Variants in ARHGEF9 observed in about 807,000 individuals in gnomAD.
The protein encoded by ARHGEF9 is Cdc42 guanine nucleotide exchange factor 9, also known as rho guanine nucleotide exchange factor 9.
In ARHGEF9, 2 loss-of-function variants were observed where a neutral mutation model predicts 41.3. The ratio of observed to expected loss-of-function variants is 0.05; its 90% confidence interval spans 0.02 to 0.15. ARHGEF9 has a LOEUF of 0.15. Among genes scored for constraint, ARHGEF9 ranks in the 10% least tolerant of loss-of-function variants. The pLI is 1.00. For missense variants in ARHGEF9, 225 were observed against 424.7 expected (o/e 0.53, Z 4.13); for synonymous variants, 160 against 154.4 (o/e 1.04, Z -0.27).
Position 63,678,202 on chromosome X carries a change from G to A in ARHGEF9, c.815+138C>T, listed in dbSNP as rs1380486296. 5.2e-5 allele frequency: 29 copies of A among 558,178 alleles called. No homozygotes were observed. The Admixed American group carries it at 7.0e-4, about 13-fold the overall frequency. 46.0% of individuals were successfully genotyped at this position (558,178 alleles called of 1,213,427 possible). A position where few individuals can be genotyped will look rare whatever the true frequency, so the allele number is the denominator to read the frequency against. Reference sequence around the variant, plus strand: ...GCCTTCTGTACCCTGTTGGCTATGAGGCAATCAAGAATGTATCATCCTGTT... The same window carrying A: ...GCCTTCTGTACCCTGTTGGCTATGAAGCAATCAAGAATGTATCATCCTGTT... On this transcript the variant is annotated intron_variant, in intron 5 of 9. Coordinates refer to ENST00000671741, the MANE Select transcript of ARHGEF9 (RefSeq NM_001353921.2).
chrX:63,710,844 C>CA (rs1404353861), intron 2 of ARHGEF9, among the ~76,000 whole-genome samples: 4 of 109,054 alleles, frequency 3.7e-5, no homozygotes, highest in African/African-American at 1.3e-4. Context: ...AGCAATTGGA[C>CA]AAAAAAAGAA....
At chrX:63,678,225 G>T (rs2050395082) in intron 5 of ARHGEF9, 115 bp downstream of exon 5, 1 of 632,892 alleles carries the variant, frequency 1.6e-6, no homozygotes, top group Non-Finnish European at 2.6e-6. Context: ...GTATCATCCT[G>T]TTTTGCAGAT....
chrX:63,666,138 A>T (rs2049526826), intron 6 of ARHGEF9, 121 bp from the exon 7 acceptor site: 2 of 932,505 alleles, frequency 2.1e-6, no homozygotes, highest in Non-Finnish European at 3.0e-6. Context: ...GGCCTGGTAG[A>T]GACAGAGGGA....
intron 1 of ARHGEF9, among the ~76,000 whole-genome samples, chrX:63,733,080 C>T (rs1453490147): frequency 1.8e-5 from 2 of 111,717 alleles, no homozygotes; most frequent in Non-Finnish European, 3.8e-5. Flanking sequence ...TTCAAATAAC[C>T]AGAGTATATA....
chrX:63,655,541 C>T lies in ARHGEF9; in HGVS notation c.1274G>A (p.Arg425Lys). Reference sequence around the variant, plus strand: ...CATTTTCCTCTCTTCTCTGAAAGCCCTGAGCCAGCGTATTTTTTCCTCCAG... The same window carrying T: ...CATTTTCCTCTCTTCTCTGAAAGCCTTGAGCCAGCGTATTTTTTCCTCCAG... ...KKLEEKIRWL[R>K]AFREERKMVQ... is the part of the protein sequence containing the mutation. The change falls in exon 8 of 10, where the codon AGG becomes AAG. Residue 425 changes from arginine (R) to lysine (K), a missense_variant. By Grantham distance (26) the Arg-to-Lys change is conservative (BLOSUM62 2). Around this residue, in one of 3 missense-constraint regions of ARHGEF9, gnomAD observed 75 missense variants for 113.2 expected, o/e 0.66. Coordinates refer to ENST00000671741, the MANE Select transcript of ARHGEF9 (RefSeq NM_001353921.2). The T allele has an allele frequency of 8.3e-7, 1 of 1,211,220 alleles. No individual in the cohort carries two copies.
intron 1 of ARHGEF9, among the ~76,000 whole-genome samples, chrX:63,768,689 G>C (rs782615678): frequency 9.9e-5 from 11 of 111,598 alleles, no homozygotes; most frequent in African/African-American, 2.9e-4. Context: ...TAAATCATGG[G>C]GCAGTCTCCC....
chrX:63,681,519 A>G (rs2050622061), intron 4 of ARHGEF9, among the ~76,000 whole-genome samples: 1 of 111,965 alleles, frequency 8.9e-6, no homozygotes, highest in Admixed American at 9.5e-5. Flanking sequence ...CAAAGAAAAA[A>G]TCAAAAGGGA....
chrX:63,682,376 G>A (rs1367474107), intron 4 of ARHGEF9, among the ~76,000 whole-genome samples: 5 of 109,864 alleles, frequency 4.6e-5, no homozygotes, highest in Admixed American at 1.9e-4. Context: ...TTAGCCAGGC[G>A]TGGTGGCGGG....
At chrX:63,667,546 C>T (rs1280207980) in intron 6 of ARHGEF9, among the ~76,000 whole-genome samples, 1 of 110,720 alleles carries the variant, frequency 9.0e-6, no homozygotes, top group African/African-American at 3.3e-5. Context: ...TTATACCTCC[C>T]AGAAATAATC....
chrX:63,697,265 T>C lies in ARHGEF9; in HGVS notation c.442A>G (p.Ser148Gly), dbSNP rs1394345886. 3.3e-6 allele frequency: 4 copies of C among 1,209,414 alleles called. No homozygotes were observed. The highest frequency in any genetic ancestry group is 4.5e-6 in the Non-Finnish European group (4 of 894,961). Reference protein sequence around the residue: ...KQCRKRRDMFSDEQLKVIFGN... With the variant: ...KQCRKRRDMFGDEQLKVIFGN... ...AAGATTACCTTCAGTTGCTCGTCAC[T>C]GAACATGTCCCTTCTCTTCCGGCAC... is the stretch of plus-strand genomic sequence containing the variant. Residue 148 changes from serine (S) to glycine (G), a missense_variant, in exon 4 of 10, where the codon AGT becomes GGT. Transcript: ENST00000671741.
At chrX:63,685,913 G>C (rs2050955395) in intron 4 of ARHGEF9, among the ~76,000 whole-genome samples, 1 of 111,539 alleles carries the variant, frequency 9.0e-6, no homozygotes, top group Admixed American at 9.5e-5. Flanking sequence ...CAAAAAGTAT[G>C]ACCCATAAAA....
At chrX:63,650,537 A>G (rs1556327688) in intron 8 of ARHGEF9, among the ~76,000 whole-genome samples, 1 of 111,175 alleles carries the variant, frequency 9.0e-6, no homozygotes, top group Non-Finnish European at 1.9e-5. Flanking sequence ...GCTGGTTAAT[A>G]GGTACAAAAA....
chrX:63,711,364 G>C (rs1413303062), intron 2 of ARHGEF9, among the ~76,000 whole-genome samples: 1 of 111,556 alleles, frequency 9.0e-6, no homozygotes, highest in Non-Finnish European at 1.9e-5. Context: ...TTTGAAAAAG[G>C]AGAATAAAGT....
chrX:63,784,139 G>A (rs2056424163), intron 1 of ARHGEF9, among the ~76,000 whole-genome samples: 1 of 112,077 alleles, frequency 8.9e-6, no homozygotes, highest in Admixed American at 9.4e-5. Context: ...TAGAAGTGTG[G>A]GCTATTGCCA....
At chrX:63,681,851 C>T (rs1171833365) in intron 4 of ARHGEF9, among the ~76,000 whole-genome samples, 1 of 110,673 alleles carries the variant, frequency 9.0e-6, no homozygotes, top group Non-Finnish European at 1.9e-5. Context: ...GAAGATATTA[C>T]AAAAGATGTC....
At chrX:63,732,880 C>A (rs782175861) in intron 1 of ARHGEF9, among the ~76,000 whole-genome samples, 2 of 111,666 alleles carry the variant, frequency 1.8e-5, no homozygotes, top group Non-Finnish European at 3.8e-5. Context: ...TTACACGTAG[C>A]GACACTGGGG....
intron 2 of ARHGEF9, among the ~76,000 whole-genome samples, chrX:63,713,490 G>C (rs782362681): frequency 1.8e-5 from 2 of 109,941 alleles, no homozygotes; most frequent in Non-Finnish European, 3.8e-5. Flanking sequence ...TCTGAATAAA[G>C]TTGCCAGCCA....
At chrX:63,697,364 T>C in intron 3 of ARHGEF9, 60 bp from the exon 4 acceptor site, 1 of 1,088,422 alleles carries the variant, frequency 9.2e-7, no homozygotes, top group South Asian at 1.9e-5. Context: ...GGCTTTACAC[T>C]TCCTAAGCAC....
chrX:63,770,150 T>C (rs1391962578), intron 1 of ARHGEF9, among the ~76,000 whole-genome samples: 24 of 112,223 alleles, frequency 2.1e-4, no homozygotes, highest in African/African-American at 7.5e-4. Context: ...CCCAAAACCA[T>C]AAAAACCCAC....
Sources: allele counts gnomAD v4.1 joint callset (sites outside exome capture counted in the v4.1 genomes callset), GRCh38; gene constraint gnomAD v4.1.1; regional missense constraint gnomAD v4.1.1; transcripts MANE v1.5; gene names NCBI Gene and HGNC (gene_info 2026-07-23, HGNC 2026-07-21).